The following CDH13 variants were observed in gnomAD, a reference collection of about 807,000 sequenced individuals.
CDH13 encodes cadherin-13.
A neutral mutation model predicts 63.8 loss-of-function variants in CDH13; 24 were observed. The ratio of observed to expected loss-of-function variants is 0.38; its 90% confidence interval spans 0.27 to 0.53. The LOEUF (loss-of-function observed/expected upper bound fraction) is 0.53. CDH13 is among the 20% of genes least tolerant of loss of function. The pLI is 0.85. For synonymous variants in CDH13, 503 were observed against 355.3 expected, an observed-to-expected ratio of 1.42 and a Z score of -4.67; for missense variants, 1,049 against 903.1, an observed-to-expected ratio of 1.16 and a Z score of -2.07.
intron 1 of CDH13, among the ~76,000 whole-genome samples, chr16:82,662,229 A>AATGTG (rs201581386): frequency 0.048 from 7,251 of 152,314 alleles, 190 homozygotes; most frequent in Non-Finnish European, 0.063. Context: ...TTCACTTAAA[A>AATGTG]AACAGATGCA....
chr16:83,622,469 G>A (rs1339894026), intron 8 of CDH13, among the ~76,000 whole-genome samples: 1 of 152,170 alleles, frequency 6.6e-6, no homozygotes, highest in African/African-American at 2.4e-5. Flanking sequence ...CATTCTTGCA[G>A]CAGTATTAAC....
At chr16:83,785,643 C>A (rs1050573987) in intron 13 of CDH13, among the ~76,000 whole-genome samples, 6 of 152,144 alleles carry the variant, frequency 3.9e-5, no homozygotes, top group Non-Finnish European at 8.8e-5. Flanking sequence ...GCCTGGTTTG[C>A]TGAGTCATCA....
At chr16:83,674,935 C>T (rs911849973) in intron 9 of CDH13, among the ~76,000 whole-genome samples, 9 of 152,344 alleles carry the variant, frequency 5.9e-5, no homozygotes, top group African/African-American at 1.9e-4. Flanking sequence ...CTTTCACAGG[C>T]CTAAACATAG....
At chr16:82,701,423 G>A (rs1264695606) in intron 1 of CDH13, among the ~76,000 whole-genome samples, 1 of 152,044 alleles carries the variant, frequency 6.6e-6, no homozygotes, top group Non-Finnish European at 1.5e-5. Flanking sequence ...GACATGCATT[G>A]TCATTCTGTC....
intron 11 of CDH13, among the ~76,000 whole-genome samples, chr16:83,762,970 G>A (rs921063345): frequency 6.6e-6 from 1 of 152,116 alleles, no homozygotes; most frequent in African/African-American, 2.4e-5. Flanking sequence ...TCCCCCTAAG[G>A]CTCAGGGCAT....
chr16:83,538,146 A>G (rs976322247), intron 7 of CDH13, among the ~76,000 whole-genome samples: 5 of 152,358 alleles, frequency 3.3e-5, no homozygotes, highest in Middle Eastern at 3.4e-3. Flanking sequence ...AGAAGGCCAT[A>G]ATAGAAATGT....
intron 4 of CDH13, among the ~76,000 whole-genome samples, chr16:83,156,499 G>A (rs906069103): frequency 3.3e-5 from 5 of 152,182 alleles, no homozygotes; most frequent in Non-Finnish European, 7.3e-5. Context: ...GGGAGTGATT[G>A]CCTGTGTGTC....
chr16:83,132,307 G>A (rs547985958), intron 4 of CDH13, among the ~76,000 whole-genome samples: 12 of 151,832 alleles, frequency 7.9e-5, no homozygotes, highest in African/African-American at 2.4e-5. Context: ...GGGTTGTCTA[G>A]GGTAACCCAG....
chr16:83,258,088 C>CT (rs1183423141), intron 5 of CDH13, among the ~76,000 whole-genome samples: 2 of 152,082 alleles, frequency 1.3e-5, no homozygotes, highest in Non-Finnish European at 2.9e-5. Context: ...TAAACTGAGT[C>CT]TTTATAAGCA....
intron 8 of CDH13, among the ~76,000 whole-genome samples, chr16:83,625,793 G>C (rs1373551535): frequency 6.6e-6 from 1 of 152,150 alleles, no homozygotes; most frequent in Non-Finnish European, 1.5e-5. Context: ...TTTTCCAGGA[G>C]GTACCTCAGC....
chr16:83,064,450 G>A (rs1024704261), intron 3 of CDH13, among the ~76,000 whole-genome samples: 1 of 152,084 alleles, frequency 6.6e-6, no homozygotes, highest in African/African-American at 2.4e-5. Flanking sequence ...AATGTAATGT[G>A]AGCCAGAAAT....
intron 5 of CDH13, among the ~76,000 whole-genome samples, chr16:83,290,867 C>T (rs924154280): frequency 4.6e-5 from 7 of 152,128 alleles, no homozygotes; most frequent in Admixed American, 4.6e-4. Flanking sequence ...TTCTCTCTGC[C>T]TACTGCCTAG....
rs146379083 is a variant in CDH13, at chr16:82,838,310, A to G, written c.46-20052A>G. ...GAGGATATATTTTTCTGGCAGAAGA[A>G]CATGCCCGTCCTATTTATTGTGTTA... On this transcript the variant is annotated intron_variant, in intron 1 of 13. Transcript: ENST00000567109. Among the ~76,000 whole-genome samples, 739 of 152,274 alleles carry G rather than the reference A, an allele frequency of 4.9e-3. 8 individuals are homozygous for G. Among genetic ancestry groups the G allele is most frequent in the African/African-American group, 0.017 (713 of 41,554 alleles).
chr16:83,152,445 G>A (rs13339599), intron 4 of CDH13, among the ~76,000 whole-genome samples: 2,310 of 152,200 alleles, frequency 0.015, 69 homozygotes, highest in African/African-American at 0.052. Context: ...CTAAAAAATC[G>A]TGTGTATTCA....
intron 1 of CDH13, among the ~76,000 whole-genome samples, chr16:82,801,139 A>G (rs890288974): frequency 3.9e-5 from 6 of 152,148 alleles, no homozygotes; most frequent in African/African-American, 1.4e-4. Context: ...AAGTGTCCAA[A>G]TCCCACTTGG....
intron 5 of CDH13, among the ~76,000 whole-genome samples, chr16:83,220,068 G>A (rs11646150): frequency 0.086 from 13,082 of 152,138 alleles, 816 homozygotes; most frequent in Admixed American, 0.11. Context: ...GGCAGACTGG[G>A]GCCCAGCCCT....
chr16:82,770,396 C>T (rs1434659759), intron 1 of CDH13, among the ~76,000 whole-genome samples: 1 of 152,134 alleles, frequency 6.6e-6, no homozygotes. Flanking sequence ...GTTTGCAGTC[C>T]AATTATAATG....
At chr16:82,636,378 C>T (rs753899236) in intron 1 of CDH13, among the ~76,000 whole-genome samples, 2 of 152,126 alleles carry the variant, frequency 1.3e-5, no homozygotes, top group African/African-American at 4.8e-5. Flanking sequence ...CAGTCCATGC[C>T]TGCATCTAGG....
intron 10 of CDH13, among the ~76,000 whole-genome samples, chr16:83,702,832 C>T (rs903295388): frequency 4.8e-4 from 73 of 152,314 alleles, no homozygotes; most frequent in African/African-American, 1.6e-3. Flanking sequence ...AAACTGGCCG[C>T]TTCAGGGAAC....
Sources: allele counts gnomAD v4.1 joint callset (sites outside exome capture counted in the v4.1 genomes callset), GRCh38; gene constraint gnomAD v4.1.1; transcripts MANE v1.5; gene names NCBI Gene and HGNC (gene_info 2026-07-23, HGNC 2026-07-21).